Variants in ZNF536 observed in about 807,000 individuals in gnomAD.
The protein encoded by ZNF536 is zinc finger protein 536.
Under a neutral mutation model 84.5 loss-of-function variants are expected in ZNF536, and 13 were observed. The ratio of observed to expected loss-of-function variants is 0.15; its 90% CI spans 0.10 to 0.24. The LOEUF (loss-of-function observed/expected upper bound fraction) is 0.24, where lower values mean the gene tolerates loss of function less well. Ranked by LOEUF, ZNF536 falls within the 10% of genes least tolerant of loss-of-function variation. The pLI, the probability that ZNF536 is intolerant of heterozygous loss-of-function variation, is 1.00. For synonymous variants in ZNF536, 811 were observed against 742.5 expected, an observed-to-expected ratio of 1.09 and a Z score of -1.50; for missense variants, 1,536 against 1,747.5, an observed-to-expected ratio of 0.88 and a Z score of 2.16.
At chr19:30,617,090 T>C (rs1269800203) in intron 1 of ZNF536, among the ~76,000 whole-genome samples, 2 of 152,022 alleles carry the variant, frequency 1.3e-5, no homozygotes, top group African/African-American at 4.8e-5. Flanking sequence ...ATTTCACCTA[T>C]TTTCTTGCTT....
At chr19:30,685,981 C>T (rs556223907) in intron 1 of ZNF536, among the ~76,000 whole-genome samples, 48 of 152,326 alleles carry the variant, frequency 3.2e-4, no homozygotes, top group African/African-American at 1.1e-3. Flanking sequence ...GGGAAGACCC[C>T]AGTCTGTGGC....
In ZNF536 at chr19:30,557,165, C is replaced by T. The variant is rs772483123; in HGVS notation, c.*1C>T. 1.5e-5 allele frequency: 24 copies of T among 1,613,504 alleles called. No individual in the cohort carries two copies. The East Asian group carries it at 5.3e-4, about 36-fold the overall frequency. ...TGCACATTTTCTTGCAGGTAAGTGA[C>T]ACTCCCTGTCCTAGTCGGTCTATCT... is the stretch of plus-strand genomic sequence containing the variant. On this transcript the variant is annotated 3_prime_UTR_variant, in exon 5 of 5. Coordinates refer to ENST00000355537, the MANE Select transcript of ZNF536 (RefSeq NM_014717.3).
intron 2 of ZNF536, among the ~76,000 whole-genome samples, chr19:30,475,107 G>A (rs1489818686): frequency 1.3e-5 from 2 of 152,144 alleles, no homozygotes; most frequent in African/African-American, 2.4e-5. Context: ...TTGAGATCAA[G>A]TCTTGCTCTG....
At chr19:30,297,599 G>A (rs564461527) in intron 2 of ZNF536, among the ~76,000 whole-genome samples, 231 of 152,314 alleles carry the variant, frequency 1.5e-3, no homozygotes, top group African/African-American at 5.3e-3. Flanking sequence ...GCACCAGGAT[G>A]TAGTGACTTT....
At chr19:30,652,804 C>T (rs993402610) in intron 1 of ZNF536, among the ~76,000 whole-genome samples, 1 of 152,176 alleles carries the variant, frequency 6.6e-6, no homozygotes, top group South Asian at 2.1e-4. Context: ...GTTGCTTGAC[C>T]TTCACCTGGG....
intron 1 of ZNF536, among the ~76,000 whole-genome samples, chr19:30,638,764 T>C (rs989901013): frequency 2.6e-5 from 4 of 152,210 alleles, no homozygotes; most frequent in Non-Finnish European, 5.9e-5. Context: ...AAGGTAGTCA[T>C]GGGCCAGATT....
intron 1 of ZNF536, among the ~76,000 whole-genome samples, chr19:30,245,823 C>T (rs947556501): frequency 6.6e-6 from 1 of 152,190 alleles, no homozygotes; most frequent in Non-Finnish European, 1.5e-5. Flanking sequence ...AAGGTATTTC[C>T]CCGCCTATAC....
At chr19:30,565,684 A>G (rs2046324628) in intron 1 of ZNF536, among the ~76,000 whole-genome samples, 1 of 151,722 alleles carries the variant, frequency 6.6e-6, no homozygotes, top group African/African-American at 2.4e-5. Flanking sequence ...TTAAACCCTC[A>G]CCCCCTCCCA....
intron 1 of ZNF536, among the ~76,000 whole-genome samples, chr19:30,662,962 C>CTTTTTTTTTTTTTTTTTTTTTTT (rs951081577): frequency 2.5e-5 from 2 of 78,770 alleles, no homozygotes; most frequent in Non-Finnish European, 2.5e-5. Flanking sequence ...TTTTTCGTTT[C>CTTTTTTTTTTTTTTTTTTTTTTT]TTTTTTTTTT....
At chr19:30,559,898 C>T (rs2046099667), downstream of ZNF536, among the ~76,000 whole-genome samples, 1 of 152,138 alleles carries the variant, frequency 6.6e-6, no homozygotes, top group Admixed American at 6.5e-5. Flanking sequence ...GGGGTATTTC[C>T]TGAGTTGCTC....
rs139835820 is a variant in ZNF536 at position 30,261,914 on chromosome 19, G to T, written c.-189-22158G>T. Among the ~76,000 whole-genome samples the T allele has an allele frequency of 2.0e-3, 309 of 152,186 alleles. 1 individual carries two copies. Among genetic ancestry groups the T allele is most frequent in the Non-Finnish European group, 3.2e-3 (217 of 68,002 alleles). ...GGGAGGGCTCCTGCACCCAGCAGAA[G>T]TGTGGCTGGTCCATCCTGGTGAGTG... On this transcript the variant is annotated intron_variant, in intron 1 of 5. Coordinates refer to the ZNF536 transcript ENST00000585628.
rs2049943605 is a variant in ZNF536 at position 30,657,143 on chromosome 19, C to T, written c.170-53614C>T. On this transcript the variant is annotated intron_variant, in intron 1 of 1. Coordinates refer to the ZNF536 transcript ENST00000592773. Reference sequence around the variant, plus strand: ...AGTGGTATGTCTTGACCACATGTAGCCAGCTGGACCCTCCAATCCAGGAGC... The same window carrying T: ...AGTGGTATGTCTTGACCACATGTAGTCAGCTGGACCCTCCAATCCAGGAGC... 1.3e-5 allele frequency among the ~76,000 whole-genome samples: 2 copies of T among 152,118 alleles called. 1 individual carries two copies. Among genetic ancestry groups the T allele is most frequent in the South Asian group, 4.1e-4 (2 of 4,826 alleles).
At chr19:30,420,456 G>C (rs536840553) in intron 1 of ZNF536, among the ~76,000 whole-genome samples, 2 of 152,304 alleles carry the variant, frequency 1.3e-5, no homozygotes, top group African/African-American at 4.8e-5. Flanking sequence ...ATCCAATGCA[G>C]TTTCTTCAAA....
rs952204872 is a variant in ZNF536, at chr19:30,497,987, C to T, written c.2171-36860C>T. 3.9e-5 allele frequency among the ~76,000 whole-genome samples: 6 copies of T among 152,160 alleles called. 1 individual carries two copies. The highest frequency in any genetic ancestry group is 2.0e-4 in the Admixed American group (3 of 15,286). On this transcript the variant is annotated intron_variant, in intron 2 of 4. Coordinates refer to ENST00000355537, the MANE Select transcript of ZNF536 (RefSeq NM_014717.3). The stretch of plus-strand genomic sequence containing the variant: ...ATGAATTTTGCATCACTGGAGAAAT[C>T]GCAGTCCTCTTCAGCTTATAGAAAA...
At chr19:30,563,766 C>T (rs752581162) in intron 1 of ZNF536, among the ~76,000 whole-genome samples, 15 of 152,156 alleles carry the variant, frequency 9.9e-5, no homozygotes, top group Non-Finnish European at 2.1e-4. Flanking sequence ...ACCTCACATC[C>T]CAGAAGACAC....
rs1568479177 is a variant in ZNF536, at chr19:30,487,392, A to ATC, written c.2170+41660_2170+41661insTC. ...GTGTGCACAAGAACAAAAGAAGGAAACACAACTGAATGTGGACCAGGGGCC... is the reference window on the plus strand; with the variant it reads ...GTGTGCACAAGAACAAAAGAAGGAAATCCACAACTGAATGTGGACCAGGGGCC... On this transcript the variant is annotated intron_variant, in intron 2 of 4. Coordinates refer to ENST00000355537, the MANE Select transcript of ZNF536 (RefSeq NM_014717.3). 1.8e-4 allele frequency among the ~76,000 whole-genome samples: 28 copies of ATC among 152,262 alleles called. No homozygotes were observed. The South Asian group carries it at 4.4e-3, about 24-fold the overall frequency.
At chr19:30,396,055 G>A (rs1373857420) in intron 1 of ZNF536, among the ~76,000 whole-genome samples, 2 of 152,148 alleles carry the variant, frequency 1.3e-5, no homozygotes, top group Non-Finnish European at 2.9e-5. Context: ...AATGTATCAT[G>A]ACATGTATCC....
chr19:30,363,278 T>C (rs2048331206), intron 3 of ZNF536, among the ~76,000 whole-genome samples: 1 of 152,158 alleles, frequency 6.6e-6, no homozygotes, highest in African/African-American at 2.4e-5. Flanking sequence ...GCAGCATGTA[T>C]GTTCAGTTAG....
chr19:30,641,465 A>G (rs1394187052), intron 1 of ZNF536, among the ~76,000 whole-genome samples: 3 of 152,178 alleles, frequency 2.0e-5, no homozygotes, highest in Admixed American at 2.0e-4. Context: ...ATTTTTTCTC[A>G]TGTTATTAAA....
Sources: allele counts gnomAD v4.1 joint callset (sites outside exome capture counted in the v4.1 genomes callset), GRCh38; gene constraint gnomAD v4.1.1; transcripts MANE v1.5; gene names NCBI Gene and HGNC (gene_info 2026-07-23, HGNC 2026-07-21).